Variants in PARD3B observed in about 807,000 individuals in gnomAD.
PARD3B encodes the protein par-3 family cell polarity regulator beta.
PARD3B carries 103 observed loss-of-function variants against 130.2 expected under a neutral mutation model. That is an observed-to-expected ratio of 0.79 (90% CI 0.67 to 0.93). The LOEUF (loss-of-function observed/expected upper bound fraction) is 0.93. PARD3B is among the 40% of genes least tolerant of loss of function. The pLI is 0.00. For missense variants in PARD3B, 1,609 were observed against 1,499.2 expected, an observed-to-expected ratio of 1.07 and a Z score of -1.21; for synonymous variants, 583 against 553.2, an observed-to-expected ratio of 1.05 and a Z score of -0.76.
intron 18 of PARD3B, among the ~76,000 whole-genome samples, chr2:205,349,126 C>A (rs1368902030): frequency 6.6e-6 from 1 of 152,034 alleles, no homozygotes; most frequent in African/African-American, 2.4e-5. Context: ...TGTGTGATGT[C>A]CTTTATTAAT....
intron 15 of PARD3B, among the ~76,000 whole-genome samples, chr2:205,226,341 A>G (rs2038548106): frequency 6.6e-6 from 1 of 152,142 alleles, no homozygotes; most frequent in Admixed American, 6.6e-5. Flanking sequence ...CGCCCGGCCA[A>G]AAAAGCTTTT....
intron 11 of PARD3B, among the ~76,000 whole-genome samples, chr2:205,169,018 G>A (rs2034997118): frequency 6.6e-6 from 1 of 152,068 alleles, no homozygotes. Flanking sequence ...CATCCTCTTT[G>A]GGCATCCCAT....
intron 15 of PARD3B, among the ~76,000 whole-genome samples, chr2:205,197,514 T>TATATACATTATAAGTATAATGTA: frequency 1.3e-5 from 2 of 152,200 alleles, no homozygotes. Flanking sequence ...TTAATTCCTA[T>TATATACATTATAAGTATAATGTA]ATATACATTA....
intron 1 of PARD3B, among the ~76,000 whole-genome samples, chr2:204,663,356 A>C (rs975166811): frequency 2.0e-5 from 3 of 152,194 alleles, no homozygotes; most frequent in African/African-American, 7.2e-5. Flanking sequence ...TATCACCCGC[A>C]TCCCTTAGTT....
At chr2:204,551,890 C>T (rs2030490686) in intron 1 of PARD3B, among the ~76,000 whole-genome samples, 1 of 152,134 alleles carries the variant, frequency 6.6e-6, no homozygotes, top group Non-Finnish European at 1.5e-5. Context: ...CTTTGGGCCT[C>T]TCTTGGAAAA....
In PARD3B at chr2:205,325,333, A is replaced by G. The variant is rs540682180; in HGVS notation, c.2630+23632A>G. 1.3e-5 allele frequency among the ~76,000 whole-genome samples: 2 copies of G among 152,284 alleles called. No individual in the cohort carries two copies. The highest frequency in any genetic ancestry group is 1.9e-4 in the East Asian group (1 of 5,184). ...TGCCATGACAGCATTAAGGTAGTCAATGCCTTGGGCTTTTCATATTCCCTG... is the reference window on the plus strand; with the variant it reads ...TGCCATGACAGCATTAAGGTAGTCAGTGCCTTGGGCTTTTCATATTCCCTG... On this transcript the variant is annotated intron_variant, in intron 18 of 22. Transcript: ENST00000406610. This position sits in a 1 kb window ranked among gnomAD's most constrained non-coding sequence, Gnocchi z 4.1.
In PARD3B at chr2:205,040,184, G is replaced by A. The variant is rs57393032; in HGVS notation, c.395-7397G>A. Among the ~76,000 whole-genome samples, 912 of 152,186 alleles carry A rather than the reference G, an allele frequency of 6.0e-3. 9 individuals are homozygous for A. Among genetic ancestry groups the A allele is most frequent in the African/African-American group, 0.021 (872 of 41,532 alleles). On this transcript the variant is annotated intron_variant, in intron 3 of 22. Transcript: ENST00000406610. ...TCACCATATTGGCCAGGCTGGTCTC[G>A]AACTCCTGACCTCGTGATCCACCCA... is the stretch of plus-strand genomic sequence containing the variant.
At chr2:204,933,016 C>T (rs2125781395) in intron 2 of PARD3B, among the ~76,000 whole-genome samples, 1 of 152,172 alleles carries the variant, frequency 6.6e-6, no homozygotes, top group Non-Finnish European at 1.5e-5. Flanking sequence ...CAAGACTCCC[C>T]AGACTGTAAC....
At chr2:204,587,818 G>T (rs1057012123) in intron 1 of PARD3B, among the ~76,000 whole-genome samples, 10 of 152,118 alleles carry the variant, frequency 6.6e-5, no homozygotes, top group African/African-American at 2.4e-4. Context: ...ATTGAATCAT[G>T]GCGGTAGTTA....
chr2:205,179,953 T>G (rs1019083311), intron 13 of PARD3B, among the ~76,000 whole-genome samples: 1 of 152,168 alleles, frequency 6.6e-6, no homozygotes, highest in African/African-American at 2.4e-5. Flanking sequence ...GTATATCTTC[T>G]GTACAAATAG....
At chr2:205,117,284 C>G (rs1396253752) in intron 6 of PARD3B, among the ~76,000 whole-genome samples, 1 of 152,200 alleles carries the variant, frequency 6.6e-6, no homozygotes, top group African/African-American at 2.4e-5. Context: ...TGCTAACCTA[C>G]TGGAACTAGG....
At chr2:205,386,610 A>G (rs2045667724) in intron 18 of PARD3B, among the ~76,000 whole-genome samples, 1 of 151,480 alleles carries the variant, frequency 6.6e-6, no homozygotes, top group African/African-American at 2.4e-5. Context: ...TTTCTGAGCA[A>G]TGAGAACTTA....
At chr2:205,383,105 T>TAGATAGATAGATAGATAGATAGATAGGG (rs2045522760) in intron 18 of PARD3B, among the ~76,000 whole-genome samples, 1 of 136,712 alleles carries the variant, frequency 7.3e-6, no homozygotes, top group Non-Finnish European at 1.6e-5. Context: ...GATAGATAGA[T>TAGATAGATAGATAGATAGATAGATAGGG]AGATAGATAG....
intron 18 of PARD3B, among the ~76,000 whole-genome samples, chr2:205,342,935 T>A (rs1411650564): frequency 6.6e-6 from 1 of 152,178 alleles, no homozygotes; most frequent in African/African-American, 2.4e-5. Context: ...CCAGGCAATA[T>A]CTATATTATT....
At chr2:204,693,354 T>G (rs2037443460) in intron 2 of PARD3B, among the ~76,000 whole-genome samples, 1 of 152,048 alleles carries the variant, frequency 6.6e-6, no homozygotes, top group South Asian at 2.1e-4. Flanking sequence ...GTGCCTCGTA[T>G]GTAGGCAGAA....
At chr2:204,854,653 C>T (rs1326866680) in intron 2 of PARD3B, among the ~76,000 whole-genome samples, 1 of 152,104 alleles carries the variant, frequency 6.6e-6, no homozygotes, top group South Asian at 2.1e-4. Flanking sequence ...CTTTCAGAAT[C>T]GTTGACCTCC....
intron 3 of PARD3B, among the ~76,000 whole-genome samples, chr2:204,996,955 C>G (rs1159615554): frequency 6.6e-6 from 1 of 152,072 alleles, no homozygotes; most frequent in African/African-American, 2.4e-5. Context: ...ATGGTGCGCG[C>G]ACACACTGGC....
At chr2:205,008,149 G>A (rs577708097) in intron 3 of PARD3B, among the ~76,000 whole-genome samples, 4 of 152,148 alleles carry the variant, frequency 2.6e-5, no homozygotes, top group African/African-American at 4.8e-5. Context: ...ATGAGATTTG[G>A]TTCCACATTT....
chr2:205,091,782 T>C lies in PARD3B; in HGVS notation c.505-12644T>C, dbSNP rs147420792. 5.3e-5 allele frequency among the ~76,000 whole-genome samples: 8 copies of C among 152,212 alleles called. No individual in the cohort carries two copies. The highest frequency in any genetic ancestry group is 2.0e-4 in the Admixed American group (3 of 15,280). ...GAACAGTAGACGGGCCATTCATTAG[T>C]ATCTTCTCTCCAGCTTCTGTGCTCC... On this transcript the variant is annotated intron_variant, in intron 4 of 22. Transcript: ENST00000406610. This position sits in a 1 kb window ranked among gnomAD's most constrained non-coding sequence, Gnocchi z 4.2.
Sources: gnomAD v4.1 joint callset for allele counts (sites outside exome capture counted in the v4.1 genomes callset) on GRCh38, gnomAD v4.1.1 for gene constraint, Gnocchi (gnomAD v3.1) non-coding constraint, MANE v1.5 for transcripts, NCBI Gene and HGNC (gene_info 2026-07-23, HGNC 2026-07-21) for gene names.